Variants in ATL1 observed in about 807,000 individuals in gnomAD.
ATL1 encodes atlastin-1.
ATL1 carries 31 observed loss-of-function variants against 75.5 expected under a neutral mutation model. That is an observed-to-expected ratio of 0.41 (90% CI 0.31 to 0.55). The LOEUF (loss-of-function observed/expected upper bound fraction) is 0.55, where lower values mean the gene tolerates loss of function less well. Among genes scored for constraint, ATL1 ranks in the 20% least tolerant of loss-of-function variants. The pLI is 0.27. For synonymous variants in ATL1, 226 were observed against 233.3 expected (o/e 0.97, Z 0.28); for missense variants, 405 against 662.6 (o/e 0.61, Z 4.27).
chr14:50,607,983 G>A (rs1399224561), intron 6 of ATL1, among the ~76,000 whole-genome samples: 1 of 151,988 alleles, frequency 6.6e-6, no homozygotes, highest in Non-Finnish European at 1.5e-5. Flanking sequence ...ATAATTTCCT[G>A]AAAGATATAG....
At chr14:50,559,882 C>A (rs1465353948), upstream of ATL1, 3 of 285,692 alleles carry the variant, frequency 1.1e-5, no homozygotes, top group African/African-American at 6.5e-5. Flanking sequence ...TGCAGTATAT[C>A]GGTTTGTGTA....
intron 1 of ATL1, among the ~76,000 whole-genome samples, chr14:50,579,339 T>C (rs926595146): frequency 6.6e-6 from 1 of 152,158 alleles, no homozygotes; most frequent in Non-Finnish European, 1.5e-5. Context: ...ATTGGTCTGT[T>C]TGTTTATACT....
At chr14:50,572,951 G>A (rs1283919152) in intron 1 of ATL1, among the ~76,000 whole-genome samples, 2 of 152,056 alleles carry the variant, frequency 1.3e-5, no homozygotes, top group African/African-American at 2.4e-5. Context: ...TGGCATAAGG[G>A]GACGCAAACA....
chr14:50,570,028 G>T (rs2038940254), intron 1 of ATL1, among the ~76,000 whole-genome samples: 1 of 152,088 alleles, frequency 6.6e-6, no homozygotes, highest in South Asian at 2.1e-4. Context: ...CTCAATGTGG[G>T]TCTCTTTGAG....
chr14:50,633,038 A>G lies in ATL1; in HGVS notation c.*699A>G, dbSNP rs2039599616. On this transcript the variant is annotated 3_prime_UTR_variant, in exon 14 of 14. Transcript: ENST00000358385. The stretch of plus-strand genomic sequence containing the variant: ...ATTAAAGTTTACTCTGGTTCCTAAG[A>G]TTAAAAACAAATGCTTACTGAATTT... 2 of 152,160 alleles carry G rather than the reference A, an allele frequency of 1.3e-5. No individual in the cohort carries two copies. Among genetic ancestry groups the G allele is most frequent in the Admixed American group, 6.5e-5 (1 of 15,280 alleles). 9.4% of individuals were successfully genotyped at this position (152,160 alleles called of 1,614,324 possible).
Position 50,600,433 on chromosome 14 carries a change from A to G in ATL1, c.630+4801A>G, listed in dbSNP as rs1236905975. Among the ~76,000 whole-genome samples the G allele has an allele frequency of 2.0e-5, 3 of 152,178 alleles. No individual in the cohort carries two copies. The East Asian group carries it at 5.8e-4, about 29-fold the overall frequency. On this transcript the variant is annotated intron_variant, in intron 6 of 13. Transcript: ENST00000358385. ...GTAACTCTTAACTACCTGAAATTGA[A>G]ATGCGAAGCTCATTAAGTAGTAAAG...
chr14:50,545,054 G>A (rs1043911514), intron 1 of ATL1, among the ~76,000 whole-genome samples: 1 of 151,874 alleles, frequency 6.6e-6, no homozygotes, highest in African/African-American at 2.4e-5. Context: ...GTGAGCCAAG[G>A]CCATGATGTC....
intron 1 of ATL1, among the ~76,000 whole-genome samples, chr14:50,571,233 T>C (rs2038952487): frequency 6.6e-6 from 1 of 152,068 alleles, no homozygotes; most frequent in Non-Finnish European, 1.5e-5. Context: ...TCTCCAAATT[T>C]TGGAGGACAG....
At chr14:50,628,502 T>C (rs930244886) in intron 12 of ATL1, 40 bp downstream of exon 12, 1 of 1,590,650 alleles carries the variant, frequency 6.3e-7, no homozygotes, top group African/African-American at 1.3e-5. Flanking sequence ...TCAGCACACA[T>C]TTGAATGTCA....
At chr14:50,602,017 C>T (rs539224134) in intron 6 of ATL1, among the ~76,000 whole-genome samples, 1 of 152,296 alleles carries the variant, frequency 6.6e-6, no homozygotes, top group Non-Finnish European at 1.5e-5. Flanking sequence ...GCATGAGCCA[C>T]ACCTGGCCCC....
chr14:50,610,128 G>A (rs902619503), intron 6 of ATL1, among the ~76,000 whole-genome samples: 4 of 151,546 alleles, frequency 2.6e-5, no homozygotes, highest in African/African-American at 9.7e-5. Flanking sequence ...AAACAAATGA[G>A]GAAACAATAA....
At chr14:50,624,705 A>T (rs1029493586) in intron 11 of ATL1, among the ~76,000 whole-genome samples, 7 of 152,230 alleles carry the variant, frequency 4.6e-5, no homozygotes, top group African/African-American at 1.2e-4. Flanking sequence ...ATAGGCCAAA[A>T]GCTAGGCCTT....
chr14:50,557,242 T>A (rs1359105173), upstream of ATL1, among the ~76,000 whole-genome samples: 1 of 152,214 alleles, frequency 6.6e-6, no homozygotes, highest in Non-Finnish European at 1.5e-5. Context: ...CTCAGAGTTA[T>A]ATAAAAGCAT....
chr14:50,632,435 G>A lies in ATL1; in HGVS notation c.*96G>A, dbSNP rs888229515. 26 of 863,666 alleles carry A rather than the reference G, an allele frequency of 3.0e-5. 1 individual carries two copies. The African/African-American group carries it at 3.2e-4, about 11-fold the overall frequency. 53.5% of individuals were successfully genotyped at this position (863,666 alleles called of 1,614,324 possible). A position where few individuals can be genotyped will look rare whatever the true frequency, so the allele number is the denominator to read the frequency against. ...ACATTCAAAGTGCTTCCATCAGAAC[G>A]GAGTAAAATACTAAACACCTCTGAA... On this transcript the variant is annotated 3_prime_UTR_variant, in exon 14 of 14. Coordinates refer to ENST00000358385, the MANE Select transcript of ATL1 (RefSeq NM_015915.5).
In ATL1 at chr14:50,620,685, G is replaced by A; in HGVS notation, c.949G>A (p.Gly317Arg). ...PESLDIKEIN[G>R]NKITCRGLVE... ...GAGCCTAGATATTAAAGAGATCAATGGGAATAAAATCACCTGCCGGGGTCT... is the reference window on the plus strand; with the variant it reads ...GAGCCTAGATATTAAAGAGATCAATAGGAATAAAATCACCTGCCGGGGTCT... The change falls in exon 9 of 14, where the codon GGG becomes AGG. Residue 317 changes from glycine (G) to arginine (R), a missense_variant. This residue lies in a region of ATL1 where 56 missense variants were observed against 66.6 expected (regional missense o/e 0.84). Transcript: ENST00000358385. 6.2e-7 allele frequency: 1 copy of A among 1,613,698 alleles called. No homozygotes were observed. Among genetic ancestry groups the A allele is most frequent in the Non-Finnish European group, 8.5e-7 (1 of 1,179,760 alleles).
At chr14:50,556,438 G>A (rs1400589688), upstream of ATL1, among the ~76,000 whole-genome samples, 3 of 151,844 alleles carry the variant, frequency 2.0e-5, no homozygotes, top group Admixed American at 6.6e-5. Context: ...GGCTGGTCTC[G>A]AACTCCTGGC....
intron 8 of ATL1, among the ~76,000 whole-genome samples, chr14:50,617,645 C>T (rs1242821812): frequency 1.3e-5 from 2 of 152,120 alleles, no homozygotes; most frequent in African/African-American, 2.4e-5. Flanking sequence ...GTCAGGTAAC[C>T]ACCACTTTGA....
intron 1 of ATL1, chr14:50,560,630 C>G: frequency 2.6e-6 from 1 of 380,898 alleles, no homozygotes; most frequent in South Asian, 2.5e-5. Flanking sequence ...CCTTAGCGAT[C>G]GGTTGGGAGG....
At chr14:50,589,349 AG>A (rs1319666862) in intron 2 of ATL1, among the ~76,000 whole-genome samples, 1 of 151,798 alleles carries the variant, frequency 6.6e-6, no homozygotes, top group Non-Finnish European at 1.5e-5. Context: ...TAGTAGAGAC[AG>A]GGTTTCACTA....
Sources: gnomAD v4.1 joint callset for allele counts (sites outside exome capture counted in the v4.1 genomes callset) on GRCh38, gnomAD v4.1.1 for gene constraint, gnomAD v4.1.1 regional missense constraint, MANE v1.5 for transcripts, NCBI Gene and HGNC (gene_info 2026-07-23, HGNC 2026-07-21) for gene names.